Variants in SMCO4 observed in about 807,000 individuals in gnomAD.
SMCO4 encodes the protein single-pass membrane protein with coiled-coil domains 4, also known as single-pass membrane and coiled-coil domain-containing protein 4.
In SMCO4, 4 loss-of-function variants were observed where a neutral mutation model predicts 3.6. The ratio of observed to expected loss-of-function variants is 1.11; its 90% CI spans 0.54 to 2.53. The LOEUF is 2.53. SMCO4 is among the 30% of genes most tolerant of loss of function. The probability of loss-of-function intolerance (pLI) is 0.02; values close to 1 mark genes in which losing one functional copy is unlikely to be tolerated. For missense variants in SMCO4, 70 were observed against 80.8 expected, an observed-to-expected ratio of 0.87 and a Z score of 0.51; for synonymous variants, 36 against 35.3, an observed-to-expected ratio of 1.02 and a Z score of -0.07.
chr11:93,514,413 T>TATATGTATATATATATATAC (rs1948989227), intron 1 of SMCO4, among the ~76,000 whole-genome samples: 9 of 33,964 alleles, frequency 2.6e-4, no homozygotes, highest in African/African-American at 8.4e-4. Flanking sequence ...TATATATATA[T>TATATGTATATATATATATAC]ATATATATAA....
intron 1 of SMCO4, among the ~76,000 whole-genome samples, chr11:93,502,186 C>T (rs1948847259): frequency 6.6e-6 from 1 of 152,164 alleles, no homozygotes; most frequent in Non-Finnish European, 1.5e-5. Flanking sequence ...AATCTGTTTT[C>T]TGTTCAAATG....
At chr11:93,502,436 T>C (rs1948849912) in intron 1 of SMCO4, among the ~76,000 whole-genome samples, 1 of 152,290 alleles carries the variant, frequency 6.6e-6, no homozygotes, top group East Asian at 1.9e-4. Flanking sequence ...AGAGGTTTTC[T>C]TGCATGGTCA....
chr11:93,534,291 C>T (rs950582829), intron 1 of SMCO4, among the ~76,000 whole-genome samples: 1 of 147,094 alleles, frequency 6.8e-6, no homozygotes, highest in Non-Finnish European at 1.5e-5. Flanking sequence ...TATATACACA[C>T]ACACATATAT....
At chr11:93,487,186 A>G (rs1948660039) in intron 2 of SMCO4, among the ~76,000 whole-genome samples, 1 of 152,172 alleles carries the variant, frequency 6.6e-6, no homozygotes. Context: ...CCTGGTATTT[A>G]GCCATAACGG....
chr11:93,492,799 G>A (rs1948733821), intron 2 of SMCO4, among the ~76,000 whole-genome samples: 1 of 152,236 alleles, frequency 6.6e-6, no homozygotes, highest in Non-Finnish European at 1.5e-5. Flanking sequence ...AGCTGAGACG[G>A]CCGGTCCAAA....
chr11:93,549,551 C>T, the SMCO4 span, among the ~76,000 whole-genome samples: 14 of 152,172 alleles, frequency 9.2e-5, no homozygotes, highest in East Asian at 7.7e-4. Flanking sequence ...TGGGCTCAAA[C>T]GATCCTCCTG....
intron 1 of SMCO4, among the ~76,000 whole-genome samples, chr11:93,517,880 G>A (rs1949022343): frequency 6.6e-6 from 1 of 152,180 alleles, no homozygotes; most frequent in South Asian, 2.1e-4. Flanking sequence ...ACTCTTGTAT[G>A]GTGTCACTGG....
intron 1 of SMCO4, among the ~76,000 whole-genome samples, chr11:93,510,710 A>G (rs1226801103): frequency 1.3e-5 from 2 of 152,082 alleles, no homozygotes; most frequent in Non-Finnish European, 2.9e-5. Flanking sequence ...TCACTACCAC[A>G]CTGCTCAGCC....
intron 1 of SMCO4, among the ~76,000 whole-genome samples, chr11:93,513,570 C>T (rs1044356176): frequency 1.3e-4 from 19 of 151,960 alleles, no homozygotes; most frequent in Non-Finnish European, 2.4e-4. Context: ...ATGAGGGAGA[C>T]GGAGGTATCA....
the SMCO4 span, among the ~76,000 whole-genome samples, chr11:93,548,963 C>T: frequency 0.039 from 5,911 of 152,234 alleles, 173 homozygotes; most frequent in Non-Finnish European, 0.063. Context: ...ACACTCTATG[C>T]GTATGAAGAG....
At chr11:93,520,867 G>A (rs200404389) in intron 1 of SMCO4, among the ~76,000 whole-genome samples, 5,765 of 152,258 alleles carry the variant, frequency 0.038, 272 homozygotes, top group East Asian at 0.14. Context: ...TATTTTCAAG[G>A]ACTTCGTTCT....
intron 2 of SMCO4, among the ~76,000 whole-genome samples, chr11:93,486,318 A>G (rs751478303): frequency 3.3e-5 from 5 of 152,196 alleles, no homozygotes; most frequent in Non-Finnish European, 7.3e-5. Context: ...AGCTGCTTCC[A>G]GGGAGGCCAG....
intron 2 of SMCO4, chr11:93,481,336 G>A (rs1454209983): frequency 1.5e-6 from 1 of 654,854 alleles, no homozygotes; most frequent in East Asian, 1.4e-4. Context: ...CGCGGTACAG[G>A]TGGGCTGAGA....
At chr11:93,533,492 A>G (rs1046260708) in intron 1 of SMCO4, among the ~76,000 whole-genome samples, 1 of 152,186 alleles carries the variant, frequency 6.6e-6, no homozygotes, top group Non-Finnish European at 1.5e-5. Context: ...AGCTGGGCCT[A>G]CTTGTGCTCT....
chr11:93,534,375 TAGAGAGAGAGAGAGAG>T (rs1555079957), intron 1 of SMCO4, among the ~76,000 whole-genome samples: 1 of 142,122 alleles, frequency 7.0e-6, no homozygotes, highest in Non-Finnish European at 1.5e-5. Context: ...TATATATATA[TAGAGAGAGAGAGAGAG>T]AGAGATACAT....
chr11:93,513,962 T>A (rs1055293312), intron 1 of SMCO4, among the ~76,000 whole-genome samples: 2 of 152,180 alleles, frequency 1.3e-5, no homozygotes, highest in African/African-American at 4.8e-5. Flanking sequence ...CATTTGCCCA[T>A]CTGTTTCCTC....
In SMCO4 at chr11:93,478,620, T is replaced by C. The variant is rs1195201360; in HGVS notation, c.*390A>G. 1 of 173,918 alleles carries C rather than the reference T, an allele frequency of 5.7e-6. No individual in the cohort carries two copies. Among genetic ancestry groups the C allele is most frequent in the Non-Finnish European group, 1.2e-5 (1 of 82,016 alleles). The allele number at this position is 173,918 out of a possible 1,614,324, so 10.8% of individuals were successfully genotyped here. A position where few individuals can be genotyped will look rare whatever the true frequency, so the allele number is the denominator to read the frequency against. On this transcript the variant is annotated 3_prime_UTR_variant, in exon 3 of 3. Coordinates refer to ENST00000298966, the MANE Select transcript of SMCO4 (RefSeq NM_020179.3). ...AGAAGCATGATCCAAACAATGGGAA[T>C]GAGGTGAGTGTGGATTCCAGCTGTT...
At chr11:93,509,677 C>T (rs10831052) in intron 1 of SMCO4, among the ~76,000 whole-genome samples, 29,554 of 152,106 alleles carry the variant, frequency 0.19, 3,621 homozygotes, top group Non-Finnish European at 0.28. Flanking sequence ...GCAACCTGGA[C>T]GGAACTGGAG....
chr11:93,534,361 T>C (rs1452461157), intron 1 of SMCO4, among the ~76,000 whole-genome samples: 1 of 58,370 alleles, frequency 1.7e-5, no homozygotes, highest in Non-Finnish European at 3.8e-5. Flanking sequence ...CACATACATA[T>C]ATATATATAT....
Sources: gnomAD v4.1 joint callset for allele counts (sites outside exome capture counted in the v4.1 genomes callset) on GRCh38, gnomAD v4.1.1 for gene constraint, MANE v1.5 for transcripts, NCBI Gene and HGNC (gene_info 2026-07-23, HGNC 2026-07-21) for gene names.